Variants in PI15 observed in about 807,000 individuals in gnomAD.
The protein encoded by PI15 is peptidase inhibitor 15.
A neutral mutation model predicts 31.0 loss-of-function variants in PI15; 18 were observed. The observed-to-expected ratio is 0.58, with a 90% CI of 0.40 to 0.86. PI15 has a LOEUF of 0.86. PI15 is among the 40% of genes least tolerant of loss of function. The probability of loss-of-function intolerance (pLI) is 0.00; values close to 1 mark genes in which losing one functional copy is unlikely to be tolerated. For missense variants in PI15, 282 were observed against 328.1 expected (o/e 0.86, Z 1.09); for synonymous variants, 118 against 119.1 (o/e 0.99, Z 0.06).
chr8:74,844,798 T>C (rs1052323259), intron 3 of PI15: 3 of 245,434 alleles, frequency 1.2e-5, no homozygotes, highest in Non-Finnish European at 2.4e-5. Flanking sequence ...TTCTGGATCA[T>C]TTATAAAATT....
intron 5 of PI15, among the ~76,000 whole-genome samples, chr8:74,848,730 T>TAGAGAG (rs1026583590): frequency 7.8e-5 from 11 of 140,404 alleles, no homozygotes; most frequent in East Asian, 4.0e-4. Flanking sequence ...TATATATATA[T>TAGAGAG]ATAGAGAGAG....
intron 3 of PI15, 199 bp from the exon 4 acceptor site, chr8:74,844,929 G>A (rs2128765947): frequency 1.7e-6 from 1 of 577,076 alleles, no homozygotes; most frequent in Admixed American, 3.0e-5. Flanking sequence ...ACTTACTCCA[G>A]CCCTGGCCAT....
chr8:74,849,586 A>AGTGTGTGTATGTATACATATACATAT lies in PI15; in HGVS notation c.*336_*361dup, dbSNP rs1427813952. The AGTGTGTGTATGTATACATATACATAT allele has an allele frequency of 1.2e-4, 23 of 196,048 alleles. No individual in the cohort carries two copies. The East Asian group carries it at 2.9e-3, about 25-fold the overall frequency. 12.1% of individuals were successfully genotyped at this position (196,048 alleles called of 1,614,324 possible). A position where few individuals can be genotyped will look rare whatever the true frequency, so the allele number is the denominator to read the frequency against. On this transcript the variant is annotated 3_prime_UTR_variant, in exon 6 of 6. Transcript: ENST00000260113. ...GGAGTAAATATATATTTGACCTGTA[A>AGTGTGTGTATGTATACATATACATAT]GTGTGTGTATGTATACATATACATA...
At chr8:74,827,561 C>T (rs1368491830) in intron 2 of PI15, among the ~76,000 whole-genome samples, 1 of 152,136 alleles carries the variant, frequency 6.6e-6, no homozygotes, top group Non-Finnish European at 1.5e-5. Context: ...CTGAGACCCA[C>T]AGATGTCAAC....
At chr8:74,848,430 TATTACTC>T (rs2128766466) in intron 5 of PI15, among the ~76,000 whole-genome samples, 1 of 152,162 alleles carries the variant, frequency 6.6e-6, no homozygotes, top group Non-Finnish European at 1.5e-5. Context: ...TATGATAACT[TATTACTC>T]ATTTCATTAT....
In PI15 at chr8:74,843,828, G is replaced by C. The variant is rs7836633; in HGVS notation, c.274-153G>C. ...TTCAGTGATCCATGATTGCACCATT[G>C]CACTCCACTCCAGCCCGGGCAGAAA... On this transcript the variant is annotated intron_variant, in intron 2 of 5. Transcript: ENST00000260113. 1.4e-3 allele frequency among the ~76,000 whole-genome samples: 211 copies of C among 151,652 alleles called. 2 individuals are homozygous for C. The highest frequency in any genetic ancestry group is 4.5e-3 in the African/African-American group (187 of 41,152).
intron 3 of PI15, among the ~76,000 whole-genome samples, chr8:74,844,427 CTGTGTGTGTGTGTGTGTG>C (rs57644375): frequency 2.1e-5 from 3 of 141,704 alleles, no homozygotes; most frequent in Non-Finnish European, 4.6e-5. Context: ...TGTGCAGAGG[CTGTGTGTGTGTGTGTGTG>C]TGTGTGTGTG....
intron 5 of PI15, among the ~76,000 whole-genome samples, chr8:74,847,415 A>G (rs1811041581): frequency 6.6e-6 from 1 of 151,340 alleles, no homozygotes; most frequent in African/African-American, 2.4e-5. Flanking sequence ...ATTGCACTCC[A>G]GCCTGGGCAA....
chr8:74,838,047 C>A (rs566668298), intron 2 of PI15, among the ~76,000 whole-genome samples: 1 of 151,878 alleles, frequency 6.6e-6, no homozygotes, highest in Admixed American at 6.6e-5. Context: ...TTACCACTTG[C>A]AAATTAAATT....
intron 2 of PI15, among the ~76,000 whole-genome samples, chr8:74,841,691 G>A (rs182715148): frequency 6.6e-6 from 1 of 152,196 alleles, no homozygotes; most frequent in Admixed American, 6.5e-5. Context: ...TGAAATTCCT[G>A]TATAAATTAA....
At chr8:74,836,632 A>G (rs1349769383) in intron 2 of PI15, among the ~76,000 whole-genome samples, 1 of 152,146 alleles carries the variant, frequency 6.6e-6, no homozygotes, top group African/African-American at 2.4e-5. Flanking sequence ...ATAAGGAGGA[A>G]TCAGCAAAGG....
At chr8:74,843,105 G>T (rs1554584004) in intron 2 of PI15, among the ~76,000 whole-genome samples, 2 of 152,100 alleles carry the variant, frequency 1.3e-5, no homozygotes, top group Non-Finnish European at 2.9e-5. Flanking sequence ...GGTAAAATCA[G>T]TTTGAATAAA....
chr8:74,829,651 G>A (rs1462161189), intron 2 of PI15, among the ~76,000 whole-genome samples: 3 of 151,970 alleles, frequency 2.0e-5, no homozygotes, highest in Non-Finnish European at 4.4e-5. Context: ...AAACAATGCA[G>A]TAAAAACAAA....
rs543811412 is a variant in PI15, at chr8:74,854,067, T to C, written c.*4814T>C. 2.0e-5 allele frequency: 3 copies of C among 152,164 alleles called. No homozygotes were observed. In the East Asian group the frequency reaches 5.8e-4, roughly 29 times the overall value. 9.4% of individuals were successfully genotyped at this position (152,164 alleles called of 1,614,324 possible). A position where few individuals can be genotyped will look rare whatever the true frequency, so the allele number is the denominator to read the frequency against. ...CCTTTAATTATTGGCCTATCATTTG[T>C]TAGTGTTATTTGGTCATATTATTGA... On this transcript the variant is annotated 3_prime_UTR_variant, in exon 6 of 6. Coordinates refer to ENST00000260113, the MANE Select transcript of PI15 (RefSeq NM_015886.5).
At position 74,845,481 on chromosome 8, in the gene PI15, T is replaced by C; in HGVS notation, c.625T>C (p.Cys209Arg). Reference protein sequence around the residue: ...SVWRRAVYLVCNYAPKGNWIG... With the variant: ...SVWRRAVYLVRNYAPKGNWIG... The stretch of plus-strand genomic sequence containing the variant: ...GTGGCGACGTGCAGTTTACTTGGTA[T>C]GCAACTATGCCCCAAAGTAAGTACC... Residue 209 changes from cysteine to arginine, a missense_variant, in exon 5 of 6, where the codon TGC (cysteine) becomes CGC (arginine). By Grantham distance (180) the Cys-to-Arg change is radical. Coordinates refer to ENST00000260113, the MANE Select transcript of PI15 (RefSeq NM_015886.5). 1 of 1,608,150 alleles carries C rather than the reference T, an allele frequency of 6.2e-7. No individual in the cohort carries two copies. Among genetic ancestry groups the C allele is most frequent in the Non-Finnish European group, 8.5e-7 (1 of 1,174,582 alleles).
At chr8:74,844,943 C>A in intron 3 of PI15, 185 bp from the exon 4 acceptor site, 1 of 584,074 alleles carries the variant, frequency 1.7e-6, no homozygotes. Context: ...TGGCCATTTC[C>A]ATGCTTGGCC....
chr8:74,825,581 A>T, intron 2 of PI15, 59 bp downstream of exon 2: 2 of 1,378,848 alleles, frequency 1.5e-6, no homozygotes, highest in Non-Finnish European at 2.0e-6. Context: ...TATATTGTAC[A>T]TCTGCAGAAT....
Position 74,825,505 on chromosome 8 carries a change from G to A in PI15, c.256G>A (p.Ala86Thr), listed in dbSNP as rs748664214. 6.2e-7 allele frequency: 1 copy of A among 1,610,010 alleles called. No individual in the cohort carries two copies. Among genetic ancestry groups the A allele is most frequent in the Admixed American group, 1.7e-5 (1 of 59,790 alleles). Residue 86 changes from alanine (A) to threonine (T), a missense_variant, in exon 2 of 6, where the codon GCA becomes ACA. By Grantham distance (58) the Ala-to-Thr change is moderately conservative (BLOSUM62 0). Coordinates refer to ENST00000260113, the MANE Select transcript of PI15 (RefSeq NM_015886.5). ...TCGGGGCAAAGTGTTCCCACCGGCA[G>A]CAAATATGGAATATATGGTAAGAAG... ...QVRGKVFPPA[A>T]NMEYMVWDEN...
chr8:74,836,134 T>C (rs191663527), intron 2 of PI15, among the ~76,000 whole-genome samples: 1 of 152,300 alleles, frequency 6.6e-6, no homozygotes, highest in African/African-American at 2.4e-5. Flanking sequence ...CAGCAACCAG[T>C]AAACTTTTTC....
Sources: gnomAD v4.1 joint callset for allele counts (sites outside exome capture counted in the v4.1 genomes callset) on GRCh38, gnomAD v4.1.1 for gene constraint, MANE v1.5 for transcripts, NCBI Gene and HGNC (gene_info 2026-07-23, HGNC 2026-07-21) for gene names.